LRMDA: variants seen among roughly 807,000 people sequenced by gnomAD.
The protein encoded by LRMDA is leucine-rich melanocyte differentiation-associated protein.
LRMDA carries 18 observed loss-of-function variants against 29.8 expected under a neutral mutation model. The ratio of observed to expected loss-of-function variants is 0.60; its 90% CI spans 0.42 to 0.90. The LOEUF is 0.90. Among genes scored for constraint, LRMDA ranks in the 40% least tolerant of loss-of-function variants. LRMDA has a pLI of 0.00. For synonymous variants in LRMDA, 125 were observed against 109.4 expected, an observed-to-expected ratio of 1.14 and a Z score of -0.89; for missense variants, 273 against 273.9, an observed-to-expected ratio of 1.00 and a Z score of 0.02.
At chr10:75,598,742 A>T (rs565671559) in intron 2 of LRMDA, among the ~76,000 whole-genome samples, 2 of 152,298 alleles carry the variant, frequency 1.3e-5, no homozygotes, top group African/African-American at 4.8e-5. Flanking sequence ...TCTTACGCAT[A>T]CCTAGTATAT....
At chr10:76,463,041 T>C (rs543662044) in intron 6 of LRMDA, among the ~76,000 whole-genome samples, 1 of 152,196 alleles carries the variant, frequency 6.6e-6, no homozygotes, top group East Asian at 1.9e-4. Context: ...TTGTTACTAG[T>C]CCATGGGGTC....
chr10:75,848,305 G>T (rs1844675447), intron 2 of LRMDA, among the ~76,000 whole-genome samples: 1 of 152,146 alleles, frequency 6.6e-6, no homozygotes, highest in Admixed American at 6.5e-5. Context: ...GTCACAAAAG[G>T]ACAAATACTG....
chr10:75,697,534 C>T (rs967654075), intron 2 of LRMDA, among the ~76,000 whole-genome samples: 4 of 148,670 alleles, frequency 2.7e-5, no homozygotes, highest in Admixed American at 1.3e-4. Context: ...GTCAGAATTA[C>T]GGACATAAGT....
intron 6 of LRMDA, among the ~76,000 whole-genome samples, chr10:76,495,761 T>C (rs1212890421): frequency 1.3e-5 from 2 of 151,936 alleles, no homozygotes; most frequent in African/African-American, 2.4e-5. Context: ...TTTCATGTAT[T>C]TGGGTAATTG....
intron 2 of LRMDA, among the ~76,000 whole-genome samples, chr10:75,671,617 C>A (rs912244168): frequency 6.6e-6 from 1 of 152,076 alleles, no homozygotes; most frequent in African/African-American, 2.4e-5. Context: ...AGGGCAACAT[C>A]ACACACCAGG....
chr10:76,286,482 G>A (rs1840272772), intron 5 of LRMDA, among the ~76,000 whole-genome samples: 1 of 152,202 alleles, frequency 6.6e-6, no homozygotes, highest in Non-Finnish European at 1.5e-5. Flanking sequence ...CGAATATTTT[G>A]TCACTGTATC....
Position 76,456,981 on chromosome 10 carries a change from T to C in LRMDA, c.602-100228T>C, listed in dbSNP as rs571681064. Among the ~76,000 whole-genome samples, 7 of 152,292 alleles carry C rather than the reference T, an allele frequency of 4.6e-5. No homozygotes were observed. In the South Asian group the frequency reaches 1.0e-3, roughly 23 times the overall value. On this transcript the variant is annotated intron_variant, in intron 6 of 6. Transcript: ENST00000611255. ...GAAGTTGAGTGTTGGTTTTTTCAAA[T>C]TGTGGTCTTAGCCGTAACTCCGACT...
intron 5 of LRMDA, among the ~76,000 whole-genome samples, chr10:76,075,095 A>G (rs1034425801): frequency 2.6e-5 from 4 of 152,234 alleles, no homozygotes; most frequent in Non-Finnish European, 5.9e-5. Flanking sequence ...AAACTCAGGC[A>G]TATGAACATT....
chr10:76,303,213 T>C (rs975329480), intron 5 of LRMDA, among the ~76,000 whole-genome samples: 2 of 104,980 alleles, frequency 1.9e-5, no homozygotes, highest in Admixed American at 9.0e-5. Context: ...ACTCCTCCCT[T>C]TTTTTTTTTT....
intron 2 of LRMDA, among the ~76,000 whole-genome samples, chr10:75,474,491 A>C (rs559571468): frequency 6.6e-6 from 1 of 152,212 alleles, no homozygotes; most frequent in African/African-American, 2.4e-5. Flanking sequence ...TGCCCCTATG[A>C]CCTCATCATC....
At chr10:76,514,893 A>G (rs1843044203) in intron 6 of LRMDA, among the ~76,000 whole-genome samples, 2 of 152,202 alleles carry the variant, frequency 1.3e-5, no homozygotes, top group Admixed American at 1.3e-4. Context: ...TTGTTCAAGT[A>G]CAATTGGTAC....
In LRMDA at chr10:75,696,241, G is replaced by A. The variant is rs527542938; in HGVS notation, c.131+257747G>A. On this transcript the variant is annotated intron_variant, in intron 2 of 6. Coordinates refer to ENST00000611255, the MANE Select transcript of LRMDA (RefSeq NM_001305581.2). ...TAGCACAGATGTATTTCTTGCTTAT[G>A]CTTTGTGTACATTGTGGATTGGCAG... Among the ~76,000 whole-genome samples, 3 of 152,322 alleles carry A rather than the reference G, an allele frequency of 2.0e-5. No individual in the cohort carries two copies. The South Asian group carries it at 6.2e-4, about 32-fold the overall frequency.
At chr10:76,045,495 C>T (rs778786119) in intron 3 of LRMDA, among the ~76,000 whole-genome samples, 3 of 151,854 alleles carry the variant, frequency 2.0e-5, no homozygotes, top group Non-Finnish European at 4.4e-5. Flanking sequence ...CCCTCTCTTG[C>T]TAGTTTCACC....
chr10:76,515,758 C>T (rs58800544), intron 6 of LRMDA, among the ~76,000 whole-genome samples: 7,166 of 152,238 alleles, frequency 0.047, 218 homozygotes, highest in African/African-American at 0.065. Flanking sequence ...GCCGCCTCGG[C>T]CTCCCAAAGT....
chr10:75,807,862 A>G (rs997234386), intron 2 of LRMDA, among the ~76,000 whole-genome samples: 18 of 152,202 alleles, frequency 1.2e-4, no homozygotes, highest in African/African-American at 4.3e-4. Flanking sequence ...GAAATTACAC[A>G]GCTACCATTT....
chr10:76,195,327 C>A (rs1865639), intron 5 of LRMDA, among the ~76,000 whole-genome samples: 4,819 of 152,258 alleles, frequency 0.032, 252 homozygotes, highest in African/African-American at 0.11. Flanking sequence ...TTGAAAGTCA[C>A]AGAGCTATTA....
intron 2 of LRMDA, among the ~76,000 whole-genome samples, chr10:75,692,208 GAAAAA>G (rs528945539): frequency 1.8e-3 from 112 of 61,106 alleles, no homozygotes; most frequent in Middle Eastern, 8.5e-3. Flanking sequence ...TCTCTGGGGG[GAAAAA>G]AAAAAAATAT....
At chr10:75,596,069 A>G (rs1840783862) in intron 2 of LRMDA, among the ~76,000 whole-genome samples, 1 of 152,248 alleles carries the variant, frequency 6.6e-6, no homozygotes, top group South Asian at 2.1e-4. Context: ...GTGTGTATGT[A>G]TCTGTGTGTA....
intron 5 of LRMDA, among the ~76,000 whole-genome samples, chr10:76,323,654 C>T (rs1026240225): frequency 6.6e-6 from 1 of 152,148 alleles, no homozygotes; most frequent in African/African-American, 2.4e-5. Context: ...TTGGCTTTAG[C>T]TCACAAGGAT....
Sources: gnomAD v4.1 joint callset for allele counts (sites outside exome capture counted in the v4.1 genomes callset) on GRCh38, gnomAD v4.1.1 for gene constraint, MANE v1.5 for transcripts, NCBI Gene and HGNC (gene_info 2026-07-23, HGNC 2026-07-21) for gene names.